The following ZSWIM5 variants were observed in gnomAD, a reference collection of about 807,000 sequenced individuals.
ZSWIM5 encodes the protein zinc finger SWIM domain-containing protein 5.
Under a neutral mutation model 119.6 loss-of-function variants are expected in ZSWIM5, and 55 were observed. The observed-to-expected ratio is 0.46, with a 90% CI of 0.37 to 0.58. ZSWIM5 has a LOEUF of 0.58. Among genes scored for constraint, ZSWIM5 ranks in the 20% least tolerant of loss-of-function variants. The pLI is 0.00. For missense variants in ZSWIM5, 1,193 were observed against 1,512.8 expected (o/e 0.79, Z 3.51); for synonymous variants, 537 against 606.9 (o/e 0.88, Z 1.69).
chr1:45,112,976 T>C (rs899383027), intron 1 of ZSWIM5, among the ~76,000 whole-genome samples: 3 of 152,230 alleles, frequency 2.0e-5, no homozygotes, highest in African/African-American at 7.2e-5. Context: ...GTGTGGCCTA[T>C]TATAGGCTTG....
intron 1 of ZSWIM5, among the ~76,000 whole-genome samples, chr1:45,164,445 G>T (rs1046542467): frequency 6.6e-6 from 1 of 152,054 alleles, no homozygotes; most frequent in African/African-American, 2.4e-5. Context: ...ACATCATAAT[G>T]ACAGGATCAA....
Position 45,036,220 on chromosome 1 carries a change from C to T in ZSWIM5, c.1974G>A (p.Leu658=). 6.2e-7 allele frequency: 1 copy of T among 1,614,162 alleles called. No homozygotes were observed. Among genetic ancestry groups the T allele is most frequent in the Non-Finnish European group, 8.5e-7 (1 of 1,180,050 alleles). The part of the protein sequence containing the change: ...AGSPNSSESY[L]SLALEVALMG... ...TCAGTGCAACTTCCAGGGCCAATGA[C>T]AGGTAGGACTCACTGCTGTTTGGGG... The change falls in exon 9 of 14, where the codon CTG becomes CTA. Residue 658 remains leucine (L), a synonymous_variant. Transcript: ENST00000359600.
Position 45,036,054 on chromosome 1 carries a change from T to A in ZSWIM5, c.2140A>T (p.Ile714Phe), listed in dbSNP as rs1359824811. 1 of 1,614,048 alleles carries A rather than the reference T, an allele frequency of 6.2e-7. No individual in the cohort carries two copies. Among genetic ancestry groups the A allele is most frequent in the Admixed American group, 1.7e-5 (1 of 60,014 alleles). Residue 714 changes from isoleucine (I) to phenylalanine (F), a missense_variant, in exon 9 of 14, where the codon ATC becomes TTC. Transcript: ENST00000359600. ...ELVQTLQKQC[I>F]LLLEGGPFSG... ...TTCTACTTACCTTCCAGCAGTAAGA[T>A]GCATTGTTTTTGCAGTGTTTGCACT...
chr1:45,021,072 G>C (rs1384672703), intron 11 of ZSWIM5, among the ~76,000 whole-genome samples: 23 of 150,426 alleles, frequency 1.5e-4, no homozygotes, highest in Admixed American at 1.5e-3. Flanking sequence ...GTCTTGCTCT[G>C]TTGCCCAGGC....
At chr1:45,028,503 C>T (rs1644933211) in intron 11 of ZSWIM5, among the ~76,000 whole-genome samples, 1 of 152,156 alleles carries the variant, frequency 6.6e-6, no homozygotes, top group Non-Finnish European at 1.5e-5. Context: ...TGCCTGCAAT[C>T]CCAGCACTTT....
At chr1:45,128,493 CT>C (rs1462627605) in intron 1 of ZSWIM5, among the ~76,000 whole-genome samples, 1 of 152,210 alleles carries the variant, frequency 6.6e-6, no homozygotes, top group Non-Finnish European at 1.5e-5. Context: ...GCCACCGCCC[CT>C]GGCCCACTAT....
intron 1 of ZSWIM5, among the ~76,000 whole-genome samples, chr1:45,134,756 G>A (rs115737850): frequency 0.011 from 1,723 of 152,298 alleles, 31 homozygotes; most frequent in African/African-American, 0.035. Flanking sequence ...AGTCTCTAGC[G>A]GTCAGGTGCA....
intron 1 of ZSWIM5, among the ~76,000 whole-genome samples, chr1:45,188,250 T>A (rs1361947098): frequency 2.6e-5 from 4 of 152,204 alleles, no homozygotes. Context: ...TACAATGTAA[T>A]ATTATTCACC....
intron 2 of ZSWIM5, among the ~76,000 whole-genome samples, chr1:45,081,356 G>A (rs942129741): frequency 1.0e-4 from 15 of 150,542 alleles, no homozygotes; most frequent in African/African-American, 2.5e-4. Context: ...TCCCTCTCAC[G>A]CCAAGCCGAA....
chr1:45,183,547 T>C (rs1015141971), intron 1 of ZSWIM5, among the ~76,000 whole-genome samples: 6 of 151,876 alleles, frequency 4.0e-5, no homozygotes, highest in African/African-American at 1.2e-4. Flanking sequence ...ATAGGCACAA[T>C]AAAAAATGAT....
intron 2 of ZSWIM5, among the ~76,000 whole-genome samples, chr1:45,067,345 G>T (rs1244658765): frequency 6.6e-6 from 1 of 151,792 alleles, no homozygotes; most frequent in Admixed American, 6.6e-5. Flanking sequence ...AGGCTGAGGT[G>T]GGAGGATCAC....
rs1163213526 is a variant in ZSWIM5, at chr1:45,036,413, G to A, written c.1895-114C>T. On this transcript the variant is annotated intron_variant, in intron 8 of 13. Coordinates refer to ENST00000359600, the MANE Select transcript of ZSWIM5 (RefSeq NM_020883.2). ...TCTGTTGTCCAGGCTGGAGTACAGT[G>A]GTGCAATCTCAGCTCACTGCAGCCT... is the stretch of plus-strand genomic sequence containing the variant. The A allele has an allele frequency of 1.1e-5, 16 of 1,430,456 alleles. No homozygotes were observed. The Admixed American group carries it at 3.3e-4, about 30-fold the overall frequency. 88.6% of individuals were successfully genotyped at this position (1,430,456 alleles called of 1,614,324 possible).
chr1:45,111,470 A>G (rs1238152423), intron 1 of ZSWIM5, among the ~76,000 whole-genome samples: 1 of 152,248 alleles, frequency 6.6e-6, no homozygotes, highest in Non-Finnish European at 1.5e-5. Context: ...GTAACAAATT[A>G]CCACAAATTT....
intron 1 of ZSWIM5, among the ~76,000 whole-genome samples, chr1:45,186,781 G>A (rs188412710): frequency 3.4e-4 from 52 of 152,002 alleles, no homozygotes; most frequent in African/African-American, 8.0e-4. Flanking sequence ...AGTCAAGACC[G>A]GGTTTTGCCA....
At chr1:45,037,593 G>GA (rs1448155814) in intron 8 of ZSWIM5, among the ~76,000 whole-genome samples, 2 of 152,228 alleles carry the variant, frequency 1.3e-5, no homozygotes, top group Non-Finnish European at 2.9e-5. Context: ...TGTTAGTGGT[G>GA]AATGAATAAA....
intron 1 of ZSWIM5, among the ~76,000 whole-genome samples, chr1:45,177,667 T>C (rs901894190): frequency 6.6e-6 from 1 of 152,112 alleles, no homozygotes; most frequent in Non-Finnish European, 1.5e-5. Context: ...ACCAGCTCTA[T>C]GACACATCCT....
chr1:45,104,804 C>G (rs140225680), intron 1 of ZSWIM5, among the ~76,000 whole-genome samples: 1,527 of 152,270 alleles, frequency 0.01, 32 homozygotes, highest in African/African-American at 0.035. Context: ...TATTAACCTC[C>G]GAAGAACAGC....
At chr1:45,133,132 A>T (rs1444316316) in intron 1 of ZSWIM5, among the ~76,000 whole-genome samples, 4 of 152,054 alleles carry the variant, frequency 2.6e-5, no homozygotes, top group Non-Finnish European at 5.9e-5. Context: ...TATACCCAGT[A>T]ATAGGATGGC....
At chr1:45,148,921 T>C (rs1448892626) in intron 1 of ZSWIM5, among the ~76,000 whole-genome samples, 1 of 152,224 alleles carries the variant, frequency 6.6e-6, no homozygotes, top group Admixed American at 6.5e-5. Flanking sequence ...CAACACACCA[T>C]AAGATCACAG....
Sources: allele counts gnomAD v4.1 joint callset (sites outside exome capture counted in the v4.1 genomes callset), GRCh38; gene constraint gnomAD v4.1.1; transcripts MANE v1.5; gene names NCBI Gene and HGNC (gene_info 2026-07-23, HGNC 2026-07-21).